The following ITCH variants were observed in gnomAD, a reference collection of about 807,000 sequenced individuals.
The protein encoded by ITCH is itchy E3 ubiquitin protein ligase, also known as E3 ubiquitin-protein ligase Itchy homolog.
In ITCH, 28 loss-of-function variants were observed where a neutral mutation model predicts 126.8. The observed-to-expected ratio is 0.22, with a 90% CI of 0.16 to 0.30. The LOEUF is 0.30. Among genes scored for constraint, ITCH ranks in the 10% least tolerant of loss-of-function variants. The probability of loss-of-function intolerance (pLI) is 1.00; values close to 1 mark genes in which losing one functional copy is unlikely to be tolerated. For missense variants in ITCH, 631 were observed against 1,032.4 expected (o/e 0.61, Z 5.33); for synonymous variants, 342 against 340.0 (o/e 1.01, Z -0.06).
intron 16 of ITCH, among the ~76,000 whole-genome samples, chr20:34,475,339 C>T (rs1475440169): frequency 2.0e-5 from 3 of 152,144 alleles, no homozygotes; most frequent in Admixed American, 6.5e-5. Flanking sequence ...GCCGAGATCA[C>T]GCCACTGCAC....
rs138113989 is a variant in ITCH, at chr20:34,476,953, T to TGATC, written c.1570-818_1570-815dup. 7.7e-3 allele frequency among the ~76,000 whole-genome samples: 1,170 copies of TGATC among 152,326 alleles called. 16 individuals carry two copies. The highest frequency in any genetic ancestry group is 0.027 in the African/African-American group (1,105 of 41,546). ...ATGTACTGTCCTTCAAATATGAAGA[T>TGATC]GATCCTATTAACCACCTATAGTGGG... is the stretch of plus-strand genomic sequence containing the variant. On this transcript the variant is annotated intron_variant, in intron 16 of 24. Coordinates refer to ENST00000374864, the MANE Select transcript of ITCH (RefSeq NM_031483.7).
At chr20:34,452,059 G>GATC (rs1985323942) in intron 12 of ITCH, among the ~76,000 whole-genome samples, 1 of 127,970 alleles carries the variant, frequency 7.8e-6, no homozygotes, top group African/African-American at 3.0e-5. Flanking sequence ...AACAGAGTGA[G>GATC]ACCCTGTCTC....
intron 2 of ITCH, among the ~76,000 whole-genome samples, chr20:34,389,024 T>C (rs565418807): frequency 1.3e-5 from 2 of 152,284 alleles, no homozygotes; most frequent in African/African-American, 4.8e-5. Flanking sequence ...TGGGGATTGC[T>C]TCTAGGACCA....
At chr20:34,371,500 TC>T (rs1214453580) in intron 2 of ITCH, among the ~76,000 whole-genome samples, 1 of 151,828 alleles carries the variant, frequency 6.6e-6, no homozygotes, top group African/African-American at 2.4e-5. Flanking sequence ...GCCAGGCTGC[TC>T]TTGAACTCCT....
chr20:34,370,318 A>C (rs188545112), intron 2 of ITCH, among the ~76,000 whole-genome samples: 1 of 152,164 alleles, frequency 6.6e-6, no homozygotes, highest in Admixed American at 6.6e-5. Flanking sequence ...GGATCAAATA[A>C]AATAATACCT....
intron 12 of ITCH, among the ~76,000 whole-genome samples, chr20:34,451,404 G>C (rs145073952): frequency 8.1e-4 from 123 of 152,052 alleles, no homozygotes; most frequent in African/African-American, 2.7e-3. Context: ...AGGCTTCAGA[G>C]AGTCGAGATC....
At chr20:34,457,150 A>G (rs1986083676) in intron 12 of ITCH, among the ~76,000 whole-genome samples, 1 of 152,190 alleles carries the variant, frequency 6.6e-6, no homozygotes, top group African/African-American at 2.4e-5. Context: ...GAAAGGTCCT[A>G]TGGTTAGGAC....
chr20:34,469,949 G>A, intron 14 of ITCH, 99 bp from the exon 15 acceptor site: 1 of 874,914 alleles, frequency 1.1e-6, no homozygotes, highest in Non-Finnish European at 2.0e-6. Context: ...TTTGAATTTG[G>A]TTAGTAAGTG....
intron 13 of ITCH, among the ~76,000 whole-genome samples, chr20:34,461,594 A>G (rs1021567252): frequency 1.3e-5 from 2 of 151,596 alleles, no homozygotes; most frequent in African/African-American, 4.8e-5. Context: ...AGGCGCCTGT[A>G]GTCCCAGCTG....
At chr20:34,467,678 A>ATTT (rs147009659) in intron 14 of ITCH, among the ~76,000 whole-genome samples, 113 of 98,058 alleles carry the variant, frequency 1.2e-3, no homozygotes, top group East Asian at 2.6e-3. Flanking sequence ...TTTCTTTTTC[A>ATTT]TTTTTTTTTT....
At chr20:34,409,638 G>A (rs1978700074) in intron 4 of ITCH, among the ~76,000 whole-genome samples, 1 of 152,090 alleles carries the variant, frequency 6.6e-6, no homozygotes, top group Non-Finnish European at 1.5e-5. Context: ...TCCTTAATAT[G>A]GGTGGACTAT....
chr20:34,502,078 G>A, intron 23 of ITCH, among the ~76,000 whole-genome samples: 1 of 152,042 alleles, frequency 6.6e-6, no homozygotes, highest in South Asian at 2.1e-4. Context: ...AGGAACATAG[G>A]TACAAAAGTC....
At chr20:34,483,071 A>T (rs930736410) in intron 20 of ITCH, among the ~76,000 whole-genome samples, 1 of 152,140 alleles carries the variant, frequency 6.6e-6, no homozygotes, top group African/African-American at 2.4e-5. Flanking sequence ...GAAACAGGGC[A>T]CCAAGTCCCT....
At chr20:34,370,497 C>T (rs960325017) in intron 2 of ITCH, among the ~76,000 whole-genome samples, 2 of 152,056 alleles carry the variant, frequency 1.3e-5, no homozygotes, top group Admixed American at 1.3e-4. Context: ...AACTCCATCT[C>T]TACTAAGAAT....
rs1391423037 is a variant in ITCH at position 34,408,712 on chromosome 20, G to A, written c.132G>A (p.Glu44=). 1.9e-6 allele frequency: 3 copies of A among 1,613,928 alleles called. No individual in the cohort carries two copies. Among genetic ancestry groups the A allele is most frequent in the Admixed American group, 1.7e-5 (1 of 60,018 alleles). ...KNWFGPSPYV[E]VTVDGQSKKT... ...GGTTTGGACCAAGTCCTTACGTAGA[G>A]GTCACAGTAGATGGACAGTCAAAGA... is the stretch of plus-strand genomic sequence containing the variant. Residue 44 remains glutamate, a synonymous_variant, in exon 4 of 25, where the codon GAG becomes GAA. Coordinates refer to ENST00000374864, the MANE Select transcript of ITCH (RefSeq NM_031483.7).
chr20:34,393,149 C>T (rs898432481), intron 2 of ITCH, among the ~76,000 whole-genome samples: 5 of 152,090 alleles, frequency 3.3e-5, no homozygotes, highest in African/African-American at 9.7e-5. Flanking sequence ...CGATTTTCAG[C>T]GAACCTTCAC....
intron 2 of ITCH, among the ~76,000 whole-genome samples, chr20:34,380,457 C>A (rs1199848045): frequency 2.6e-5 from 4 of 151,952 alleles, no homozygotes; most frequent in Admixed American, 6.6e-5. Context: ...CTGTTCTGAC[C>A]TTAGGTAATC....
At chr20:34,483,113 G>T (rs1049091834) in intron 20 of ITCH, among the ~76,000 whole-genome samples, 4 of 148,668 alleles carry the variant, frequency 2.7e-5, no homozygotes, top group African/African-American at 1.0e-4. Context: ...CCCTGGGCCC[G>T]GCCCATGAAA....
chr20:34,384,180 G>C lies in ITCH; in HGVS notation c.-21-9611G>C, dbSNP rs1399111176. ...TTTTTTTTTTTTTAAGTCAAGTGAA[G>C]CAGTGGGAGTGGAGAAGGAACAAAG... On this transcript the variant is annotated intron_variant, in intron 2 of 24. Transcript: ENST00000374864. 2.1e-5 allele frequency: 3 copies of C among 141,038 alleles called. No homozygotes were observed. The East Asian group carries it at 6.4e-4, about 30-fold the overall frequency. The allele number at this position is 141,038 out of a possible 1,614,324, so 8.7% of individuals were successfully genotyped here. A position where few individuals can be genotyped will look rare whatever the true frequency, so the allele number is the denominator to read the frequency against.
Sources: allele counts gnomAD v4.1 joint callset (sites outside exome capture counted in the v4.1 genomes callset), GRCh38; gene constraint gnomAD v4.1.1; transcripts MANE v1.5; gene names NCBI Gene and HGNC (gene_info 2026-07-23, HGNC 2026-07-21).